The following DIP2C variants were observed in gnomAD, a reference collection of about 807,000 sequenced individuals.
DIP2C encodes DIP2 acetate--CoA ligase C (putative).
A neutral mutation model predicts 192.4 loss-of-function variants in DIP2C; 33 were observed. The ratio of observed to expected loss-of-function variants is 0.17; its 90% CI spans 0.13 to 0.23. The LOEUF is 0.23. Ranked by LOEUF, DIP2C falls within the 10% of genes least tolerant of loss-of-function variation. DIP2C has a pLI of 1.00. For synonymous variants in DIP2C, 979 were observed against 864.1 expected (o/e 1.13, Z -2.33); for missense variants, 1,537 against 2,110.1 (o/e 0.73, Z 5.32).
intron 24 of DIP2C, 93 bp downstream of exon 24, chr10:356,333 A>T (rs1162779053): frequency 7.2e-7 from 1 of 1,390,942 alleles, no homozygotes; most frequent in Non-Finnish European, 1.0e-6. Flanking sequence ...AGACTGAAGC[A>T]AAAGGATTCA....
At chr10:623,189 A>T (rs565290243) in intron 1 of DIP2C, among the ~76,000 whole-genome samples, 3 of 152,190 alleles carry the variant, frequency 2.0e-5, no homozygotes, top group Non-Finnish European at 2.9e-5. Flanking sequence ...GGGGGCACGG[A>T]GGCAGCACCA....
At chr10:587,650 G>T (rs576401561) in intron 1 of DIP2C, among the ~76,000 whole-genome samples, 4 of 144,214 alleles carry the variant, frequency 2.8e-5, no homozygotes, top group Non-Finnish European at 3.0e-5. Context: ...ATCCACACCA[G>T]CCACTGCCTC....
At chr10:360,557 C>T (rs1416838959) in intron 22 of DIP2C, among the ~76,000 whole-genome samples, 1 of 152,184 alleles carries the variant, frequency 6.6e-6, no homozygotes, top group Non-Finnish European at 1.5e-5. Context: ...AAGACAGCAG[C>T]GAGACACACA....
At chr10:572,363 A>G (rs1005824941) in intron 1 of DIP2C, among the ~76,000 whole-genome samples, 20 of 152,208 alleles carry the variant, frequency 1.3e-4, no homozygotes, top group Admixed American at 7.9e-4. Context: ...GAGCGCCACA[A>G]AAATTCAACT....
At chr10:479,393 G>A (rs1222816245) in intron 2 of DIP2C, among the ~76,000 whole-genome samples, 1 of 147,472 alleles carries the variant, frequency 6.8e-6, no homozygotes, top group East Asian at 2.0e-4. Flanking sequence ...GAGAGCAATG[G>A]CGCAATCTCC....
chr10:616,233 G>A (rs766068858), intron 1 of DIP2C, among the ~76,000 whole-genome samples: 1 of 152,102 alleles, frequency 6.6e-6, no homozygotes, highest in African/African-American at 2.4e-5. Context: ...AATCTGGACC[G>A]CAATCCGATA....
chr10:621,311 CCA>C (rs57175640), intron 1 of DIP2C, among the ~76,000 whole-genome samples: 2 of 151,092 alleles, frequency 1.3e-5, no homozygotes, highest in East Asian at 2.0e-4. Context: ...CTGCCAACAC[CCA>C]CACACACCCC....
At chr10:425,810 A>T (rs546234877) in intron 4 of DIP2C, among the ~76,000 whole-genome samples, 3 of 152,398 alleles carry the variant, frequency 2.0e-5, no homozygotes, top group African/African-American at 2.4e-5. Flanking sequence ...GACATAGAAA[A>T]GTACTGACAA....
chr10:404,703 A>G (rs978220546), intron 9 of DIP2C, among the ~76,000 whole-genome samples: 2 of 152,252 alleles, frequency 1.3e-5, no homozygotes, highest in African/African-American at 4.8e-5. Flanking sequence ...TGGCAGACAC[A>G]AAATTAAGTT....
chr10:499,213 G>T (rs1174249486), intron 1 of DIP2C, among the ~76,000 whole-genome samples: 1 of 152,156 alleles, frequency 6.6e-6, no homozygotes, highest in Admixed American at 6.5e-5. Context: ...ACCCCTCAAT[G>T]GCTACACAGC....
chr10:671,886 TAGACACACGGACGGAGGAAAAGCCAC>T (rs1830663154), intron 1 of DIP2C, among the ~76,000 whole-genome samples: 1 of 30,134 alleles, frequency 3.3e-5, no homozygotes, highest in Non-Finnish European at 6.4e-5. Context: ...AAACAGGCCA[TAGACACACGGACGGAGGAAAAGCCAC>T]AGACGCACGG....
chr10:511,116 C>T (rs1176534349), intron 1 of DIP2C, among the ~76,000 whole-genome samples: 1 of 152,220 alleles, frequency 6.6e-6, no homozygotes, highest in African/African-American at 2.4e-5. Flanking sequence ...GTCGGTGTTT[C>T]TGGAACAAAA....
At chr10:409,471 C>T (rs1211976144) in intron 8 of DIP2C, among the ~76,000 whole-genome samples, 1 of 152,166 alleles carries the variant, frequency 6.6e-6, no homozygotes, top group Non-Finnish European at 1.5e-5. Flanking sequence ...GGAGTAAAAG[C>T]AATGACTCCA....
rs564114410 is a variant in DIP2C at position 617,153 on chromosome 10, CTGACT to C, written c.85+72336_85+72340del. On this transcript the variant is annotated intron_variant, in intron 1 of 36. Coordinates refer to ENST00000280886, the MANE Select transcript of DIP2C (RefSeq NM_014974.3). ...CAGGCACTGCCTCTGTGCCTCCCGCCTGACTTATTTCCTGCCCCCCGCCCCTACTG... is the reference window on the plus strand; with the variant it reads ...CAGGCACTGCCTCTGTGCCTCCCGCCTATTTCCTGCCCCCCGCCCCTACTG... Among the ~76,000 whole-genome samples the C allele has an allele frequency of 1.9e-3, 288 of 151,708 alleles. 1 individual carries two copies. Among genetic ancestry groups the C allele is most frequent in the Middle Eastern group, 0.014 (4 of 294 alleles).
At chr10:494,639 T>C (rs965124605) in intron 1 of DIP2C, among the ~76,000 whole-genome samples, 1 of 152,200 alleles carries the variant, frequency 6.6e-6, no homozygotes, top group African/African-American at 2.4e-5. Flanking sequence ...CCAGTCAATA[T>C]GCAGCATGAG....
chr10:307,024 G>A (rs1282620838), intron 32 of DIP2C, among the ~76,000 whole-genome samples: 1 of 152,174 alleles, frequency 6.6e-6, no homozygotes, highest in Non-Finnish European at 1.5e-5. Context: ...GCTCCCGGGA[G>A]AGCCGGTGGC....
At chr10:640,637 A>C (rs914574685) in intron 1 of DIP2C, among the ~76,000 whole-genome samples, 5 of 151,270 alleles carry the variant, frequency 3.3e-5, no homozygotes, top group Admixed American at 3.3e-4. Context: ...GCGCGCGGGG[A>C]TGAGGGTGCG....
At chr10:603,763 C>T (rs74115074) in intron 1 of DIP2C, among the ~76,000 whole-genome samples, 2 of 152,230 alleles carry the variant, frequency 1.3e-5, no homozygotes, top group Middle Eastern at 3.4e-3. Flanking sequence ...TTACCACACA[C>T]GCAGACCTCC....
Position 364,437 on chromosome 10 carries a change from T to C in DIP2C, c.2414A>G (p.Asn805Ser). 5 of 1,614,060 alleles carry C rather than the reference T, an allele frequency of 3.1e-6. No individual in the cohort carries two copies. In the South Asian group the frequency reaches 3.3e-5, roughly 11 times the overall value. Residue 805 changes from asparagine to serine, a missense_variant, in exon 20 of 37, where the codon AAC (asparagine) becomes AGC (serine). Transcript: ENST00000280886. ...CGCAGTGGCCACGATGTCGTCGGCG[T>C]TGTGCCTGCGCCCGCTGACCACCAT... ...GLMVVSGRRHNADDIVATALA... is the reference protein window; with the variant it reads ...GLMVVSGRRHSADDIVATALA...
Sources: allele counts gnomAD v4.1 joint callset (sites outside exome capture counted in the v4.1 genomes callset), GRCh38; gene constraint gnomAD v4.1.1; transcripts MANE v1.5; gene names NCBI Gene and HGNC (gene_info 2026-07-23, HGNC 2026-07-21).